Variants in ZFP90 observed in about 807,000 individuals in gnomAD.
ZFP90 encodes zinc finger protein 90 homolog.
Under a neutral mutation model 60.8 loss-of-function variants are expected in ZFP90, and 38 were observed. The ratio of observed to expected loss-of-function variants is 0.62; its 90% CI spans 0.48 to 0.82. The LOEUF is 0.82. Ranked by LOEUF, ZFP90 falls within the 40% of genes least tolerant of loss-of-function variation. The pLI, the probability that ZFP90 is intolerant of heterozygous loss-of-function variation, is 0.00. For missense variants in ZFP90, 711 were observed against 759.1 expected (o/e 0.94, Z 0.74); for synonymous variants, 287 against 264.8 (o/e 1.08, Z -0.82).
Position 68,566,923 on chromosome 16 carries a change from C to A in ZFP90, c.*2225C>A. The stretch of plus-strand genomic sequence containing the variant: ...GTACTGGTTTGTGTTTGGTGCTTGG[C>A]CTAGATCCAGCCACCACTCTGAAAC... On this transcript the variant is annotated 3_prime_UTR_variant, in exon 5 of 5. Transcript: ENST00000563169. 1.0e-6 allele frequency: 1 copy of A among 985,570 alleles called. No individual in the cohort carries two copies. Among genetic ancestry groups the A allele is most frequent in the Non-Finnish European group, 1.2e-6 (1 of 829,950 alleles). The allele number at this position is 985,570 out of a possible 1,614,324, so 61.1% of individuals were successfully genotyped here.
intron 2 of ZFP90, among the ~76,000 whole-genome samples, chr16:68,545,092 G>C (rs895861898): frequency 6.6e-6 from 1 of 151,712 alleles, no homozygotes; most frequent in African/African-American, 2.4e-5. Flanking sequence ...TGTTATCCAG[G>C]ATGGTTTCGA....
exon 3 of ZFP90, chr16:68,576,040 TA>T (rs34731750): frequency 0.55 from 152,383 of 276,406 alleles, 31,502 homozygotes; most frequent in South Asian, 0.62. Flanking sequence ...AACATTTATT[TA>T]AAAAAAAAAA....
downstream of ZFP90, among the ~76,000 whole-genome samples, chr16:68,571,565 C>T (rs141935854): frequency 7.4e-4 from 113 of 152,164 alleles, no homozygotes; most frequent in Middle Eastern, 0.01. Flanking sequence ...ACCAGCACAC[C>T]TGAAGGATTT....
intron 2 of ZFP90, 36 bp downstream of exon 2, chr16:68,539,861 T>G (rs1597709991): frequency 6.3e-7 from 1 of 1,598,352 alleles, no homozygotes; most frequent in Non-Finnish European, 8.5e-7. Context: ...GGGCATCCCA[T>G]CCATCTATCC....
At chr16:68,568,314 A>G (rs932745924), downstream of ZFP90, among the ~76,000 whole-genome samples, 3 of 152,268 alleles carry the variant, frequency 2.0e-5, no homozygotes, top group Non-Finnish European at 2.9e-5. Flanking sequence ...TGGTAGGTAA[A>G]TGAAAAGATG....
chr16:68,543,051 C>T lies in ZFP90; in HGVS notation c.33+3226C>T, dbSNP rs541174382. ...AGTGGGGAGGTGGGAGGTTTGTAGT[C>T]GGGGTGCAATTTAAAATGATGTGGT... On this transcript the variant is annotated intron_variant, in intron 2 of 4. Transcript: ENST00000563169. 5.3e-5 allele frequency among the ~76,000 whole-genome samples: 8 copies of T among 152,130 alleles called. No individual in the cohort carries two copies. The South Asian group carries it at 6.2e-4, about 12-fold the overall frequency.
In ZFP90 at chr16:68,567,122, C is replaced by T; in HGVS notation, c.*2424C>T. 1.0e-6 allele frequency: 1 copy of T among 985,570 alleles called. No individual in the cohort carries two copies. Among genetic ancestry groups the T allele is most frequent in the Non-Finnish European group, 1.2e-6 (1 of 829,938 alleles). The allele number at this position is 985,570 out of a possible 1,614,324, so 61.1% of individuals were successfully genotyped here. A position where few individuals can be genotyped will look rare whatever the true frequency, so the allele number is the denominator to read the frequency against. The stretch of plus-strand genomic sequence containing the variant: ...TTGTATTCTTTCAATAAATAGCCTT[C>T]TGAGTTGAATGGGAGTCAGTTTGTC... On this transcript the variant is annotated 3_prime_UTR_variant, in exon 5 of 5. Transcript: ENST00000563169.
At chr16:68,544,305 G>A (rs2091106212) in intron 2 of ZFP90, among the ~76,000 whole-genome samples, 1 of 152,214 alleles carries the variant, frequency 6.6e-6, no homozygotes, top group Admixed American at 6.5e-5. Flanking sequence ...CCAGCCACTT[G>A]GGAGGCTGAG....
At chr16:68,556,479 G>A (rs1429750441) in intron 2 of ZFP90, among the ~76,000 whole-genome samples, 2 of 152,176 alleles carry the variant, frequency 1.3e-5, no homozygotes, top group South Asian at 2.1e-4. Flanking sequence ...GTTTACAATA[G>A]CAGAATACTG....
chr16:68,557,368 C>CAGG lies in ZFP90; in HGVS notation c.34-630_34-629insAGG, dbSNP rs568923424. 771 of 436,930 alleles carry CAGG rather than the reference C, an allele frequency of 1.8e-3. 1 individual carries two copies. The highest frequency in any genetic ancestry group is 2.8e-3 in the Admixed American group (118 of 41,752). The allele number at this position is 436,930 out of a possible 1,614,324, so 27.1% of individuals were successfully genotyped here. On this transcript the variant is annotated intron_variant, in intron 2 of 4. Transcript: ENST00000563169. ...GTTGTTGGTTTTAATCAGTGGGTAC[C>CAGG]TGTGATACAGGTGTACTGTGGAGTA...
At chr16:68,539,994 C>T (rs368711069) in intron 2 of ZFP90, among the ~76,000 whole-genome samples, 169 bp downstream of exon 2, 2 of 152,174 alleles carry the variant, frequency 1.3e-5, no homozygotes, top group East Asian at 3.8e-4. Flanking sequence ...GCTGGATTCC[C>T]AAAGGGGAGG....
At chr16:68,553,824 T>C (rs1166429666) in intron 2 of ZFP90, among the ~76,000 whole-genome samples, 2 of 152,082 alleles carry the variant, frequency 1.3e-5, no homozygotes, top group East Asian at 3.9e-4. Context: ...GGGGTCTCAC[T>C]GTGTTGCCCA....
chr16:68,546,709 A>G (rs559144305), intron 2 of ZFP90, among the ~76,000 whole-genome samples: 4 of 152,270 alleles, frequency 2.6e-5, no homozygotes, highest in African/African-American at 9.6e-5. Flanking sequence ...CCAGGGATTC[A>G]TCATGTTGGC....
At chr16:68,569,818 C>G (rs1005618096), downstream of ZFP90, among the ~76,000 whole-genome samples, 19 of 152,112 alleles carry the variant, frequency 1.2e-4, 1 homozygote, top group Non-Finnish European at 1.6e-4. Flanking sequence ...AAGATAATTC[C>G]TCTTCTCTGT....
rs770837614 is a variant in ZFP90, at chr16:68,558,080, A to G, written c.116A>G (p.Tyr39Cys). 1 of 1,613,930 alleles carries G rather than the reference A, an allele frequency of 6.2e-7. No homozygotes were observed. The highest frequency in any genetic ancestry group is 1.1e-5 in the South Asian group (1 of 91,068). ...GTCGACCCTGCTCAGAGGAGCTTAT[A>G]CAGGGATGTGATGCTGGAGAACTAT... ...YHVDPAQRSLYRDVMLENYSH... is the reference protein window; with the variant it reads ...YHVDPAQRSLCRDVMLENYSH... The change falls in exon 3 of 5, where the codon TAC (tyrosine) becomes TGC (cysteine). Residue 39 changes from tyrosine to cysteine, a missense_variant. Physicochemically the swap from Tyr to Cys is radical, Grantham distance 194 (BLOSUM62 -2). Around this residue, in one of 5 missense-constraint regions of ZFP90, gnomAD observed 241 missense variants for 247.6 expected, o/e 0.97. Transcript: ENST00000563169.
chr16:68,536,923 A>C (rs532596725), upstream of ZFP90, among the ~76,000 whole-genome samples: 66 of 152,192 alleles, frequency 4.3e-4, no homozygotes, highest in Middle Eastern at 3.4e-3. Context: ...CACAACCTCC[A>C]AAGCCTTGTT....
chr16:68,563,058 C>A lies in ZFP90; in HGVS notation c.271C>A (p.Pro91Thr), dbSNP rs775847179. ...ATTTCTTTCAGACTGGAAGACCAGGCCTGAAGTCAAATCATCACATTTGCA... is the reference window on the plus strand; with the variant it reads ...ATTTCTTTCAGACTGGAAGACCAGGACTGAAGTCAAATCATCACATTTGCA... ...RPFYPDWKTR[P>T]EVKSSHLQQD... The change falls in exon 5 of 5, where the codon CCT becomes ACT. Residue 91 changes from proline (P) to threonine (T), a missense_variant. This residue lies in a region of ZFP90 where 241 missense variants were observed against 247.6 expected (regional missense o/e 0.97). Transcript: ENST00000563169. The A allele has an allele frequency of 2.0e-5, 32 of 1,614,036 alleles. No homozygotes were observed. The East Asian group carries it at 6.0e-4, about 30-fold the overall frequency.
intron 2 of ZFP90, among the ~76,000 whole-genome samples, chr16:68,549,322 G>A (rs1468582036): frequency 6.6e-6 from 1 of 152,158 alleles, no homozygotes; most frequent in Non-Finnish European, 1.5e-5. Flanking sequence ...TAGAAAAGCT[G>A]CCCAGGTGAT....
upstream of ZFP90, among the ~76,000 whole-genome samples, chr16:68,534,917 A>G (rs1267095141): frequency 6.6e-6 from 1 of 152,158 alleles, no homozygotes; most frequent in Non-Finnish European, 1.5e-5. Flanking sequence ...AAAATAAATA[A>G]ATAAAAATAA....
Sources: gnomAD v4.1 joint callset for allele counts (sites outside exome capture counted in the v4.1 genomes callset) on GRCh38, gnomAD v4.1.1 for gene constraint, gnomAD v4.1.1 regional missense constraint, MANE v1.5 for transcripts, NCBI Gene and HGNC (gene_info 2026-07-23, HGNC 2026-07-21) for gene names.